The following CCDC137 variants were observed in gnomAD, a reference collection of about 807,000 sequenced individuals.
CCDC137 encodes coiled-coil domain-containing protein 137.
In CCDC137, 24 loss-of-function variants were observed where a neutral mutation model predicts 30.4. The observed-to-expected ratio is 0.79, with a 90% CI of 0.57 to 1.11. The LOEUF (loss-of-function observed/expected upper bound fraction) is 1.11, where lower values mean the gene tolerates loss of function less well. CCDC137 is among the 50% of genes least tolerant of loss of function. The pLI, the probability that CCDC137 is intolerant of heterozygous loss-of-function variation, is 0.00. For missense variants in CCDC137, 417 were observed against 380.4 expected, an observed-to-expected ratio of 1.10 and a Z score of -0.80; for synonymous variants, 182 against 155.7, an observed-to-expected ratio of 1.17 and a Z score of -1.26.
intron 2 of CCDC137, chr17:81,669,934 C>T: frequency 5.1e-6 from 2 of 395,480 alleles, no homozygotes; most frequent in South Asian, 5.5e-5. Context: ...TGTGGGTGAT[C>T]AGAGGAGAAT....
At chr17:81,666,927 C>T (rs2036639525) in intron 1 of CCDC137, 27 bp downstream of exon 1, 1 of 1,249,642 alleles carries the variant, frequency 8.0e-7, no homozygotes, top group African/African-American at 1.5e-5. Context: ...GCGAGGCCGC[C>T]ACACTTCCCC....
intron 3 of CCDC137, among the ~76,000 whole-genome samples, chr17:81,670,707 A>G (rs1340631347): frequency 6.6e-6 from 1 of 152,206 alleles, no homozygotes; most frequent in Non-Finnish European, 1.5e-5. Flanking sequence ...TCACAGGAAA[A>G]GCACCAGAAA....
chr17:81,666,965 C>T (rs2036640251), intron 1 of CCDC137, 65 bp downstream of exon 1: 7 of 1,234,958 alleles, frequency 5.7e-6, no homozygotes, highest in Non-Finnish European at 7.1e-6. Flanking sequence ...GAAGGCTCCG[C>T]CCGGGACCCC....
Position 81,670,265 on chromosome 17 carries a change from G to A in CCDC137, c.309G>A (p.Lys103=), listed in dbSNP as rs1405480575. 2 of 1,614,048 alleles carry A rather than the reference G, an allele frequency of 1.2e-6. No individual in the cohort carries two copies. The highest frequency in any genetic ancestry group is 4.5e-5 in the East Asian group (2 of 44,880). ...GAAAGACATTGGAGAAGGAAGCAAA[G>A]GGAGAGGAGCCCGACATCGCAGTCC... ...TFRKTLEKEA[K]GEEPDIAVPK... Residue 103 remains lysine, a synonymous_variant, in exon 3 of 6, where the codon AAG becomes AAA. Coordinates refer to ENST00000329214, the MANE Select transcript of CCDC137 (RefSeq NM_199287.3).
In CCDC137 at chr17:81,670,456, G is replaced by T. The variant is rs1386704421; in HGVS notation, c.497+3G>T. 2 of 1,610,820 alleles carry T rather than the reference G, an allele frequency of 1.2e-6. No homozygotes were observed. Among genetic ancestry groups the T allele is most frequent in the Non-Finnish European group, 1.7e-6 (2 of 1,178,842 alleles). On this transcript the variant is annotated splice_donor_region_variant and intron_variant, in intron 3 of 5. Transcript: ENST00000329214. ...GAGCAGAAAAAAGCAAAAAAAGCGT[G>T]AGTGGAGGCGGGAGGGGGAGGGGTC...
At position 81,672,524 on chromosome 17, in the gene CCDC137, G is replaced by A; in HGVS notation, c.690G>A (p.Met230Ile). Reference sequence around the variant, plus strand: ...GCAGGAGATCGCAGATGCTGCGGATGCTTCTGAGCCCCGGTGGTGTGTCCC... The same window carrying A: ...GCAGGAGATCGCAGATGCTGCGGATACTTCTGAGCCCCGGTGGTGTGTCCC... Reference protein sequence around the residue: ...QPGRRSQMLRMLLSPGGVSQP... With the variant: ...QPGRRSQMLRILLSPGGVSQP... Residue 230 changes from methionine to isoleucine, a missense_variant, in exon 6 of 6, where the codon ATG becomes ATA. By Grantham distance (10) the Met-to-Ile change is conservative. Coordinates refer to ENST00000329214, the MANE Select transcript of CCDC137 (RefSeq NM_199287.3). 1 of 1,564,686 alleles carries A rather than the reference G, an allele frequency of 6.4e-7. No homozygotes were observed. The highest frequency in any genetic ancestry group is 8.7e-7 in the Non-Finnish European group (1 of 1,154,524).
At chr17:81,670,767 G>A (rs771866170) in intron 3 of CCDC137, among the ~76,000 whole-genome samples, 1 of 152,214 alleles carries the variant, frequency 6.6e-6, no homozygotes, top group Non-Finnish European at 1.5e-5. Flanking sequence ...TGAGGGTGAC[G>A]TGCCCAGGGG....
At chr17:81,670,714 G>A (rs993905840) in intron 3 of CCDC137, among the ~76,000 whole-genome samples, 2 of 152,214 alleles carry the variant, frequency 1.3e-5, no homozygotes, top group Non-Finnish European at 2.9e-5. Flanking sequence ...AAAAGCACCA[G>A]AAAGCCCTAG....
At chr17:81,671,083 G>T (rs1163284120) in intron 3 of CCDC137, among the ~76,000 whole-genome samples, 1 of 151,164 alleles carries the variant, frequency 6.6e-6, no homozygotes, top group Non-Finnish European at 1.5e-5. Flanking sequence ...AGTGAGCTGA[G>T]ATCGTGCCGC....
Sources: gnomAD v4.1 joint callset for allele counts (sites outside exome capture counted in the v4.1 genomes callset) on GRCh38, gnomAD v4.1.1 for gene constraint, MANE v1.5 for transcripts, NCBI Gene and HGNC (gene_info 2026-07-23, HGNC 2026-07-21) for gene names.